Variants in ENTHD1 observed in about 807,000 individuals in gnomAD.
The protein encoded by ENTHD1 is ENTH domain-containing protein 1.
Under a neutral mutation model 39.1 loss-of-function variants are expected in ENTHD1, and 23 were observed. The observed-to-expected ratio is 0.59, with a 90% CI of 0.42 to 0.83. ENTHD1 has a LOEUF of 0.83. Among genes scored for constraint, ENTHD1 ranks in the 40% least tolerant of loss-of-function variants. The pLI is 0.00. For missense variants in ENTHD1, 624 were observed against 705.4 expected, an observed-to-expected ratio of 0.88 and a Z score of 1.31; for synonymous variants, 230 against 258.2, an observed-to-expected ratio of 0.89 and a Z score of 1.05.
In ENTHD1 at chr22:39,765,435, C is replaced by T; in HGVS notation, c.1007G>A (p.Trp336Ter). The change falls in exon 6 of 7, where the codon TGG becomes TAG. Residue 336 changes from tryptophan (W) to a stop codon, truncating the protein, a stop_gained. Transcript: ENST00000325157. LOFTEE classifies it high-confidence loss of function. Reference protein sequence around the residue: ...LKTLTILPACWSSKEEFISPD... With the variant: ...LKTLTILPAC The stretch of plus-strand genomic sequence containing the variant: ...GCTGATAAACTCCTCTTTACTTGAC[C>T]AACATGCTGGTAAAATTGTCAATGT... The T allele has an allele frequency of 6.2e-7, 1 of 1,613,916 alleles. No individual in the cohort carries two copies. Among genetic ancestry groups the T allele is most frequent in the Non-Finnish European group, 8.5e-7 (1 of 1,179,958 alleles).
chr22:39,827,335 A>ATTTT (rs766551837), intron 4 of ENTHD1, among the ~76,000 whole-genome samples: 1 of 152,114 alleles, frequency 6.6e-6, no homozygotes, highest in Non-Finnish European at 1.5e-5. Flanking sequence ...TTTTGTAAAG[A>ATTTT]TTTTTTAAAC....
chr22:39,812,576 A>C (rs2065697847), intron 5 of ENTHD1, among the ~76,000 whole-genome samples: 1 of 152,194 alleles, frequency 6.6e-6, no homozygotes, highest in Admixed American at 6.5e-5. Context: ...TTTCCTAGTC[A>C]TTCCAGTGGT....
At chr22:39,873,293 A>G (rs1052375515) in intron 2 of ENTHD1, among the ~76,000 whole-genome samples, 4 of 152,168 alleles carry the variant, frequency 2.6e-5, no homozygotes, top group Non-Finnish European at 4.4e-5. Context: ...CAAATCTATA[A>G]TCCATACAAT....
At chr22:39,785,457 C>T (rs988771164) in intron 5 of ENTHD1, among the ~76,000 whole-genome samples, 1 of 152,220 alleles carries the variant, frequency 6.6e-6, no homozygotes, top group African/African-American at 2.4e-5. Context: ...CCTCTGAGCT[C>T]AGCTCCTCTA....
At chr22:39,778,462 CAG>C (rs1449611544) in intron 5 of ENTHD1, among the ~76,000 whole-genome samples, 2 of 152,168 alleles carry the variant, frequency 1.3e-5, no homozygotes, top group African/African-American at 4.8e-5. Context: ...AACTTCGACA[CAG>C]AGTAAAAATC....
At chr22:39,768,168 G>A (rs901208859) in intron 5 of ENTHD1, among the ~76,000 whole-genome samples, 1 of 152,142 alleles carries the variant, frequency 6.6e-6, no homozygotes, top group African/African-American at 2.4e-5. Context: ...TGCTGTCTAT[G>A]CAATGCGTCA....
intron 6 of ENTHD1, among the ~76,000 whole-genome samples, chr22:39,746,734 C>T (rs1364937729): frequency 2.0e-5 from 3 of 152,158 alleles, no homozygotes; most frequent in Non-Finnish European, 4.4e-5. Flanking sequence ...TACCAGGGTG[C>T]TGGGAGGCCA....
At chr22:39,865,790 T>C (rs575293745) in intron 2 of ENTHD1, among the ~76,000 whole-genome samples, 1 of 152,280 alleles carries the variant, frequency 6.6e-6, no homozygotes, top group Admixed American at 6.5e-5. Context: ...TGACAGAAAC[T>C]CCATTTGAAC....
At chr22:39,770,283 G>T (rs2065311435) in intron 5 of ENTHD1, among the ~76,000 whole-genome samples, 1 of 152,144 alleles carries the variant, frequency 6.6e-6, no homozygotes, top group Non-Finnish European at 1.5e-5. Context: ...AGATGGGAAG[G>T]TTAGAGTAGG....
At chr22:39,891,134 G>A (rs1316632753) in intron 1 of ENTHD1, among the ~76,000 whole-genome samples, 1 of 152,166 alleles carries the variant, frequency 6.6e-6, no homozygotes, top group Non-Finnish European at 1.5e-5. Flanking sequence ...AGAAATAGAG[G>A]GAAGAAGTTA....
At chr22:39,804,037 A>G (rs1027801665) in intron 5 of ENTHD1, among the ~76,000 whole-genome samples, 2 of 151,612 alleles carry the variant, frequency 1.3e-5, no homozygotes, top group Non-Finnish European at 2.9e-5. Context: ...AGTAGGATGT[A>G]TCTGTTGTCC....
intron 4 of ENTHD1, among the ~76,000 whole-genome samples, chr22:39,833,452 A>T (rs1028173801): frequency 7.2e-5 from 11 of 152,290 alleles, no homozygotes; most frequent in African/African-American, 2.6e-4. Context: ...AATTTACTAA[A>T]CATACCAAGA....
At chr22:39,792,101 T>TGCACA (rs2065509077) in intron 5 of ENTHD1, among the ~76,000 whole-genome samples, 1 of 152,216 alleles carries the variant, frequency 6.6e-6, no homozygotes, top group Non-Finnish European at 1.5e-5. Context: ...TATTCCATGG[T>TGCACA]GTATATGTAC....
At chr22:39,792,607 T>C (rs1231955493) in intron 5 of ENTHD1, among the ~76,000 whole-genome samples, 1 of 152,116 alleles carries the variant, frequency 6.6e-6, no homozygotes, top group Non-Finnish European at 1.5e-5. Flanking sequence ...CTGGGTGCGG[T>C]GGCTCATGCC....
chr22:39,842,469 C>T (rs1055346634), intron 3 of ENTHD1, among the ~76,000 whole-genome samples: 2 of 152,152 alleles, frequency 1.3e-5, no homozygotes, highest in East Asian at 1.9e-4. Flanking sequence ...CTTCCCTTCT[C>T]GCTTCATTTC....
chr22:39,880,719 A>G (rs2066330243), intron 2 of ENTHD1, among the ~76,000 whole-genome samples: 1 of 152,236 alleles, frequency 6.6e-6, no homozygotes, highest in Non-Finnish European at 1.5e-5. Flanking sequence ...GATAGTGATC[A>G]GTATTAGTTC....
rs1189475559 is a variant in ENTHD1, at chr22:39,765,435, C to G, written c.1007G>C (p.Trp336Ser). 1 of 1,613,916 alleles carries G rather than the reference C, an allele frequency of 6.2e-7. No individual in the cohort carries two copies. Among genetic ancestry groups the G allele is most frequent in the Non-Finnish European group, 8.5e-7 (1 of 1,179,958 alleles). ...GCTGATAAACTCCTCTTTACTTGAC[C>G]AACATGCTGGTAAAATTGTCAATGT... Reference protein sequence around the residue: ...LKTLTILPACWSSKEEFISPD... With the variant: ...LKTLTILPACSSSKEEFISPD... Residue 336 changes from tryptophan (W) to serine (S), a missense_variant, in exon 6 of 7, where the codon TGG becomes TCG. Physicochemically the swap from Trp to Ser is radical, Grantham distance 177. Coordinates refer to ENST00000325157, the MANE Select transcript of ENTHD1 (RefSeq NM_152512.4).
chr22:39,748,126 G>A (rs2065120766), intron 6 of ENTHD1, among the ~76,000 whole-genome samples: 1 of 151,962 alleles, frequency 6.6e-6, no homozygotes, highest in Admixed American at 6.5e-5. Context: ...GTGTGTACCT[G>A]TGGTCCCACC....
At chr22:39,771,234 A>G (rs1271222861) in intron 5 of ENTHD1, among the ~76,000 whole-genome samples, 1 of 152,190 alleles carries the variant, frequency 6.6e-6, no homozygotes, top group Non-Finnish European at 1.5e-5. Flanking sequence ...ATGTAAAGAA[A>G]CCAATAACCT....
Sources: gnomAD v4.1 joint callset for allele counts (sites outside exome capture counted in the v4.1 genomes callset) on GRCh38, gnomAD v4.1.1 for gene constraint, MANE v1.5 for transcripts, NCBI Gene and HGNC (gene_info 2026-07-23, HGNC 2026-07-21) for gene names.